The following GRM5 variants were observed in gnomAD, a reference collection of about 807,000 sequenced individuals.
GRM5 encodes the protein metabotropic glutamate receptor 5.
A neutral mutation model predicts 83.1 loss-of-function variants in GRM5; 19 were observed. The observed-to-expected ratio is 0.23, with a 90% CI of 0.16 to 0.34. The LOEUF is 0.34. Among genes scored for constraint, GRM5 ranks in the 10% least tolerant of loss-of-function variants. GRM5 has a pLI of 1.00. For missense variants in GRM5, 1,160 were observed against 1,588.3 expected (o/e 0.73, Z 4.58); for synonymous variants, 675 against 633.6 (o/e 1.07, Z -0.98).
intron 4 of GRM5, among the ~76,000 whole-genome samples, chr11:88,650,032 T>C (rs976727478): frequency 6.6e-6 from 1 of 151,912 alleles, no homozygotes; most frequent in African/African-American, 2.4e-5. Context: ...TTCTTGAATG[T>C]GATAAGAACC....
chr11:88,855,033 G>A (rs1221776809), intron 2 of GRM5, among the ~76,000 whole-genome samples: 1 of 151,182 alleles, frequency 6.6e-6, no homozygotes, highest in Non-Finnish European at 1.5e-5. Context: ...TCATTTTTCT[G>A]GCAAAATAGC....
At chr11:88,733,319 C>T (rs1941845023) in intron 3 of GRM5, among the ~76,000 whole-genome samples, 1 of 151,910 alleles carries the variant, frequency 6.6e-6, no homozygotes, top group African/African-American at 2.4e-5. Flanking sequence ...ATCCTCTAAT[C>T]TGTTTGGGAA....
chr11:88,519,781 A>T (rs188819792), intron 9 of GRM5, among the ~76,000 whole-genome samples: 305 of 152,290 alleles, frequency 2.0e-3, no homozygotes, highest in African/African-American at 7.0e-3. Context: ...CGTAAAAAAC[A>T]ACCTTTCTAA....
At chr11:88,714,597 GT>G (rs1941359849) in intron 3 of GRM5, among the ~76,000 whole-genome samples, 1 of 151,888 alleles carries the variant, frequency 6.6e-6, no homozygotes, top group Non-Finnish European at 1.5e-5. Context: ...TGTAGTTGCA[GT>G]TTGATTATTT....
intron 3 of GRM5, among the ~76,000 whole-genome samples, chr11:88,679,242 T>G (rs796129253): frequency 7.9e-5 from 12 of 151,946 alleles, no homozygotes; most frequent in African/African-American, 2.4e-4. Context: ...GTGAGGACAT[T>G]TAAGAAATAC....
rs764573716 is a variant in GRM5, at chr11:88,567,304, A to G, written c.2379T>C (p.Phe793=). ...IIWLAFVPIY[F]GSNYKIITMC... ...TGGTGATGATTTTGTAGTTGCTGCC[A>G]AAGTAGATTGGCACAAAAGCTAGCC... The change falls in exon 8 of 10, where the codon TTT becomes TTC. Residue 793 remains phenylalanine, a synonymous_variant. Transcript: ENST00000305447. This position sits in a 1 kb window ranked among gnomAD's most constrained non-coding sequence, Gnocchi z 7.3. 12 of 1,614,094 alleles carry G rather than the reference A, an allele frequency of 7.4e-6. No homozygotes were observed. The highest frequency in any genetic ancestry group is 9.3e-6 in the Non-Finnish European group (11 of 1,179,944).
intron 2 of GRM5, among the ~76,000 whole-genome samples, chr11:88,900,857 A>G (rs1945302935): frequency 1.3e-5 from 2 of 152,098 alleles, no homozygotes; most frequent in Admixed American, 1.3e-4. Context: ...CTTGTTTGGG[A>G]TGGTTTTCTG....
intron 4 of GRM5, among the ~76,000 whole-genome samples, chr11:88,651,020 G>A (rs1403329068): frequency 2.0e-5 from 3 of 151,974 alleles, no homozygotes; most frequent in African/African-American, 7.2e-5. Context: ...TCCAAGGGGG[G>A]GGATGGACTA....
At chr11:88,664,703 T>C (rs1341365820) in intron 3 of GRM5, among the ~76,000 whole-genome samples, 2 of 152,114 alleles carry the variant, frequency 1.3e-5, no homozygotes, top group Non-Finnish European at 2.9e-5. Flanking sequence ...TGCCTCGGCC[T>C]CCCAAAGTGC....
At chr11:88,759,880 C>A (rs1942475154) in intron 3 of GRM5, among the ~76,000 whole-genome samples, 2 of 152,106 alleles carry the variant, frequency 1.3e-5, no homozygotes, top group Admixed American at 1.3e-4. Flanking sequence ...ACTACTCTCT[C>A]AGACCACAAC....
chr11:88,593,465 C>T (rs1007308791), intron 6 of GRM5, among the ~76,000 whole-genome samples: 7 of 151,970 alleles, frequency 4.6e-5, no homozygotes, highest in Admixed American at 1.3e-4. Context: ...ATCACGAGGT[C>T]AGCAGATCGA....
intron 3 of GRM5, among the ~76,000 whole-genome samples, chr11:88,844,117 A>T (rs1414432203): frequency 6.6e-6 from 1 of 152,160 alleles, no homozygotes; most frequent in Non-Finnish European, 1.5e-5. Flanking sequence ...TAGAGAGGAG[A>T]AGTCAAGGCC....
chr11:88,687,966 T>C (rs1010772313), intron 3 of GRM5, among the ~76,000 whole-genome samples: 3 of 152,146 alleles, frequency 2.0e-5, no homozygotes, highest in Admixed American at 2.0e-4. Flanking sequence ...AAATATTTAA[T>C]TTTAACCTTG....
intron 2 of GRM5, among the ~76,000 whole-genome samples, chr11:88,926,691 A>T (rs572404308): frequency 1.3e-5 from 2 of 152,194 alleles, no homozygotes; most frequent in Non-Finnish European, 2.9e-5. Context: ...ATCTTACAGT[A>T]TGCTCCATTG....
chr11:88,740,558 A>T (rs1236465518), intron 3 of GRM5, among the ~76,000 whole-genome samples: 2 of 152,086 alleles, frequency 1.3e-5, no homozygotes, highest in Non-Finnish European at 2.9e-5. Context: ...AAAGATAAGG[A>T]AGTTGAGACA....
intron 2 of GRM5, among the ~76,000 whole-genome samples, chr11:88,911,513 C>T (rs1945498764): frequency 6.6e-6 from 1 of 152,180 alleles, no homozygotes; most frequent in African/African-American, 2.4e-5. Flanking sequence ...ACTCTAAACA[C>T]CTTTCTATCC....
At chr11:88,741,712 A>G (rs145268076) in intron 3 of GRM5, among the ~76,000 whole-genome samples, 1 of 151,856 alleles carries the variant, frequency 6.6e-6, no homozygotes, top group East Asian at 1.9e-4. Context: ...TACTATACTA[A>G]TCTATACTAT....
chr11:88,812,088 C>T, intron 3 of GRM5, among the ~76,000 whole-genome samples: 1 of 152,140 alleles, frequency 6.6e-6, no homozygotes, highest in East Asian at 1.9e-4. Flanking sequence ...TTCGGAAGTT[C>T]TGTTTTATAA....
At chr11:89,028,109 CAGAATTGTG>C (rs1941173144) in intron 2 of GRM5, among the ~76,000 whole-genome samples, 1 of 152,180 alleles carries the variant, frequency 6.6e-6, no homozygotes, top group East Asian at 1.9e-4. Flanking sequence ...TTCCAGCCAA[CAGAATTGTG>C]AGCCAATACA....
Sources: allele counts gnomAD v4.1 joint callset (sites outside exome capture counted in the v4.1 genomes callset), GRCh38; gene constraint gnomAD v4.1.1; non-coding constraint Gnocchi (gnomAD v3.1); transcripts MANE v1.5; gene names NCBI Gene and HGNC (gene_info 2026-07-23, HGNC 2026-07-21).